Variants in GNA14 observed in about 807,000 individuals in gnomAD.
GNA14 encodes G protein subunit alpha 14, also known as guanine nucleotide-binding protein subunit alpha-14.
In GNA14, 50 loss-of-function variants were observed where a neutral mutation model predicts 42.0. The observed-to-expected ratio is 1.19, with a 90% CI of 0.95 to 1.51. GNA14 has a LOEUF of 1.51. Among genes scored for constraint, GNA14 ranks in the 40% most tolerant of loss-of-function variants. The pLI, the probability that GNA14 is intolerant of heterozygous loss-of-function variation, is 0.00. For synonymous variants in GNA14, 173 were observed against 163.1 expected (o/e 1.06, Z -0.46); for missense variants, 473 against 446.2 (o/e 1.06, Z -0.54).
At chr9:77,597,388 C>T (rs17063787) in intron 1 of GNA14, among the ~76,000 whole-genome samples, 2,184 of 152,220 alleles carry the variant, frequency 0.014, 58 homozygotes, top group African/African-American at 0.05. Flanking sequence ...GCAAAAAGGG[C>T]TGTAATTCAT....
At chr9:77,508,189 T>C (rs1428306028) in intron 2 of GNA14, among the ~76,000 whole-genome samples, 1 of 152,206 alleles carries the variant, frequency 6.6e-6, no homozygotes, top group Non-Finnish European at 1.5e-5. Flanking sequence ...CCACCCTTTC[T>C]ACCCACTAAG....
At chr9:77,460,646 A>G (rs1300045544) in intron 2 of GNA14, among the ~76,000 whole-genome samples, 9 of 152,206 alleles carry the variant, frequency 5.9e-5, no homozygotes, top group Admixed American at 5.9e-4. Context: ...CTCCTAGGAA[A>G]GAAAGGGCTG....
intron 1 of GNA14, among the ~76,000 whole-genome samples, chr9:77,624,785 T>C (rs891615644): frequency 1.3e-5 from 2 of 151,934 alleles, no homozygotes; most frequent in African/African-American, 4.8e-5. Context: ...CATAAATTCA[T>C]GAAGATGAGG....
intron 2 of GNA14, among the ~76,000 whole-genome samples, chr9:77,437,007 G>T (rs1039860495): frequency 6.6e-6 from 1 of 152,102 alleles, no homozygotes; most frequent in Non-Finnish European, 1.5e-5. Context: ...GGCAACGCTT[G>T]GCCAATCTGT....
At chr9:77,629,680 G>A (rs1587854234) in intron 1 of GNA14, among the ~76,000 whole-genome samples, 1 of 152,160 alleles carries the variant, frequency 6.6e-6, no homozygotes, top group Non-Finnish European at 1.5e-5. Flanking sequence ...ACTGAATAAT[G>A]ATAACACATG....
At chr9:77,490,341 G>C (rs1044476461) in intron 2 of GNA14, among the ~76,000 whole-genome samples, 4 of 152,234 alleles carry the variant, frequency 2.6e-5, no homozygotes, top group African/African-American at 9.6e-5. Context: ...CCCACACTGG[G>C]GTTGCAGGTG....
intron 4 of GNA14, 112 bp from the exon 5 acceptor site, chr9:77,429,148 TAA>T (rs1308054173): frequency 1.0e-6 from 1 of 986,306 alleles, no homozygotes; most frequent in Non-Finnish European, 1.5e-6. Context: ...CAGTAATTTC[TAA>T]GAGAGAAAAG....
intron 1 of GNA14, among the ~76,000 whole-genome samples, chr9:77,530,654 A>C (rs1020086383): frequency 6.6e-6 from 1 of 152,222 alleles, no homozygotes; most frequent in South Asian, 2.1e-4. Flanking sequence ...TGACCAACTC[A>C]ATTATTAGAG....
intron 2 of GNA14, among the ~76,000 whole-genome samples, chr9:77,504,536 T>TAA (rs35482980): frequency 2.5e-5 from 3 of 120,372 alleles, no homozygotes; most frequent in African/African-American, 7.0e-5. Flanking sequence ...TCCCTTTCTT[T>TAA]AAAAAAAAAA....
intron 1 of GNA14, among the ~76,000 whole-genome samples, chr9:77,544,092 T>A (rs778485623): frequency 2.6e-5 from 4 of 152,238 alleles, no homozygotes; most frequent in Non-Finnish European, 5.9e-5. Flanking sequence ...TGTAGTCACA[T>A]AATCTAGACA....
At chr9:77,442,599 C>T (rs1341511073) in intron 2 of GNA14, among the ~76,000 whole-genome samples, 1 of 152,176 alleles carries the variant, frequency 6.6e-6, no homozygotes, top group Non-Finnish European at 1.5e-5. Flanking sequence ...GCAAAAGGCC[C>T]TCATACACCC....
In GNA14 at chr9:77,507,215, C is replaced by A. The variant is rs1226793634; in HGVS notation, c.309+21854G>T. On this transcript the variant is annotated intron_variant, in intron 2 of 6. Coordinates refer to ENST00000341700, the MANE Select transcript of GNA14 (RefSeq NM_004297.4). ...TTTTAAAAGTCAGAACACTTCAGAGCAGGAAAATACTCAGCTTGTTTGGGA... is the reference window on the plus strand; with the variant it reads ...TTTTAAAAGTCAGAACACTTCAGAGAAGGAAAATACTCAGCTTGTTTGGGA... 3.9e-4 allele frequency among the ~76,000 whole-genome samples: 60 copies of A among 152,274 alleles called. 1 individual carries two copies. The highest frequency in any genetic ancestry group is 7.4e-5 in the Non-Finnish European group (5 of 68,014).
Position 77,529,199 on chromosome 9 carries a change from C to A in GNA14, c.179G>T (p.Gly60Val), listed in dbSNP as rs1351372773. The change falls in exon 2 of 7, where the codon GGG becomes GTG. Residue 60 changes from glycine to valine, a missense_variant. Gly to Val is a moderately radical substitution (Grantham distance 109). Coordinates refer to ENST00000341700, the MANE Select transcript of GNA14 (RefSeq NM_004297.4). Reference sequence around the variant, plus strand: ...TCTGTCTTCGTCGCTGTAACCAGACCCATGGATAATTCTCATCTGCTTGAT... The same window carrying A: ...TCTGTCTTCGTCGCTGTAACCAGACACATGGATAATTCTCATCTGCTTGAT... Reference protein sequence around the residue: ...TFIKQMRIIHGSGYSDEDRKG... With the variant: ...TFIKQMRIIHVSGYSDEDRKG... 6.2e-6 allele frequency: 10 copies of A among 1,613,804 alleles called. No homozygotes were observed. The highest frequency in any genetic ancestry group is 8.5e-6 in the Non-Finnish European group (10 of 1,179,878).
chr9:77,607,700 C>A (rs1379871904), intron 1 of GNA14, among the ~76,000 whole-genome samples: 1 of 152,128 alleles, frequency 6.6e-6, no homozygotes, highest in Non-Finnish European at 1.5e-5. Flanking sequence ...TCTCACAGTT[C>A]TGAAGGCTAG....
chr9:77,460,497 T>C (rs1377380249), intron 2 of GNA14, among the ~76,000 whole-genome samples: 1 of 152,236 alleles, frequency 6.6e-6, no homozygotes, highest in Non-Finnish European at 1.5e-5. Flanking sequence ...ACTCAGTTTG[T>C]TAAGACAGCC....
At chr9:77,519,013 C>T (rs988693972) in intron 2 of GNA14, among the ~76,000 whole-genome samples, 1 of 152,084 alleles carries the variant, frequency 6.6e-6, no homozygotes, top group African/African-American at 2.4e-5. Flanking sequence ...CACAAAGCTC[C>T]CTGAAAACAT....
At chr9:77,426,287 A>AT (rs961163252) in intron 5 of GNA14, among the ~76,000 whole-genome samples, 50 of 150,238 alleles carry the variant, frequency 3.3e-4, no homozygotes, top group African/African-American at 1.2e-3. Flanking sequence ...ATGGGTGACC[A>AT]TACTGTTGTT....
chr9:77,570,359 C>A, intron 1 of GNA14, among the ~76,000 whole-genome samples: 1 of 152,034 alleles, frequency 6.6e-6, no homozygotes, highest in Non-Finnish European at 1.5e-5. Flanking sequence ...AAGAAAGAAA[C>A]CCCAAAAGAA....
At chr9:77,630,446 A>G (rs976840338) in intron 1 of GNA14, among the ~76,000 whole-genome samples, 1 of 152,184 alleles carries the variant, frequency 6.6e-6, no homozygotes, top group African/African-American at 2.4e-5. Flanking sequence ...TAATCGATCT[A>G]CCAGAATCAC....
Sources: gnomAD v4.1 joint callset for allele counts (sites outside exome capture counted in the v4.1 genomes callset) on GRCh38, gnomAD v4.1.1 for gene constraint, MANE v1.5 for transcripts, NCBI Gene and HGNC (gene_info 2026-07-23, HGNC 2026-07-21) for gene names.